ANK3: variants seen among roughly 807,000 people sequenced by gnomAD.
ANK3 encodes the protein ankyrin 3.
ANK3 carries 57 observed loss-of-function variants against 370.9 expected under a neutral mutation model. The observed-to-expected ratio is 0.15, with a 90% CI of 0.12 to 0.19. The LOEUF is 0.19. ANK3 is among the 10% of genes least tolerant of loss of function. The pLI, the probability that ANK3 is intolerant of heterozygous loss-of-function variation, is 1.00. For synonymous variants in ANK3, 1,929 were observed against 1,946.3 expected (o/e 0.99, Z 0.23); for missense variants, 4,439 against 5,302.1 (o/e 0.84, Z 5.06).
At chr10:60,134,151 G>A in intron 25 of ANK3, 120 bp downstream of exon 25, 1 of 811,966 alleles carries the variant, frequency 1.2e-6, no homozygotes, top group Non-Finnish European at 1.9e-6. Flanking sequence ...AGTACCAGAA[G>A]ATTTACAAAT....
chr10:60,196,380 C>T, intron 15 of ANK3, 137 bp from the exon 16 acceptor site: 1 of 926,450 alleles, frequency 1.1e-6, no homozygotes, highest in Non-Finnish European at 1.6e-6. Context: ...TGGACCCCAG[C>T]ATTTACCTTT....
intron 9 of ANK3, among the ~76,000 whole-genome samples, chr10:60,212,471 A>C (rs1364548417): frequency 1.3e-5 from 2 of 152,268 alleles, no homozygotes; most frequent in East Asian, 3.9e-4. Flanking sequence ...AAAAGAACAA[A>C]TAGAATCATC....
intron 12 of ANK3, among the ~76,000 whole-genome samples, chr10:60,201,571 A>T (rs2132420429): frequency 6.6e-6 from 1 of 152,330 alleles, no homozygotes; most frequent in African/African-American, 2.4e-5. Flanking sequence ...AGTGAGCCTC[A>T]TGGTTCCTAC....
intron 28 of ANK3, among the ~76,000 whole-genome samples, chr10:60,105,337 T>C (rs1472110038): frequency 6.6e-6 from 1 of 152,070 alleles, no homozygotes; most frequent in Non-Finnish European, 1.5e-5. Flanking sequence ...AGAAGTTGTG[T>C]ATGAAAAAGT....
At chr10:60,044,710 CTT>C (rs1410131595) in intron 42 of ANK3, 1 of 152,142 alleles carries the variant, frequency 6.6e-6, no homozygotes, top group East Asian at 1.9e-4. Flanking sequence ...AGCACTGTTT[CTT>C]CATTAGTTCT....
At chr10:60,686,997 A>G (rs116321148) in intron 1 of ANK3, among the ~76,000 whole-genome samples, 6,121 of 152,312 alleles carry the variant, frequency 0.04, 159 homozygotes, top group Middle Eastern at 0.071. Flanking sequence ...ACACAAATAC[A>G]TCCATTGTGT....
intron 2 of ANK3, among the ~76,000 whole-genome samples, chr10:60,497,559 T>C (rs964853502): frequency 7.2e-5 from 11 of 152,164 alleles, no homozygotes; most frequent in African/African-American, 2.7e-4. Context: ...ACATGATTGA[T>C]TTATTAAGCT....
intron 2 of ANK3, among the ~76,000 whole-genome samples, chr10:60,452,126 G>A (rs2064622506): frequency 6.6e-6 from 1 of 152,210 alleles, no homozygotes; most frequent in African/African-American, 2.4e-5. Flanking sequence ...ATGACCCTAG[G>A]GGTAAGAAAG....
At chr10:60,334,047 G>A (rs1241100493) in intron 1 of ANK3, among the ~76,000 whole-genome samples, 1 of 152,124 alleles carries the variant, frequency 6.6e-6, no homozygotes, top group Non-Finnish European at 1.5e-5. Flanking sequence ...TCGGCAGAGA[G>A]CAGAAATTAA....
exon 1 of ANK3, chr10:60,733,347 C>T: frequency 2.4e-6 from 3 of 1,232,650 alleles, no homozygotes; most frequent in Non-Finnish European, 3.0e-6. Flanking sequence ...GCTGCTCCTT[C>T]CAGGAACTCC....
chr10:60,417,224 T>A (rs2063687265), intron 2 of ANK3, among the ~76,000 whole-genome samples: 1 of 152,184 alleles, frequency 6.6e-6, no homozygotes, highest in Non-Finnish European at 1.5e-5. Flanking sequence ...GTCCTTGATA[T>A]TAGACATAAA....
chr10:60,290,251 T>A (rs915313277), intron 1 of ANK3, among the ~76,000 whole-genome samples: 4 of 152,204 alleles, frequency 2.6e-5, no homozygotes, highest in Non-Finnish European at 5.9e-5. Flanking sequence ...GAGATTGGTC[T>A]ATGTCAGCAA....
chr10:60,586,733 T>C (rs963495952), intron 2 of ANK3, among the ~76,000 whole-genome samples: 1 of 152,218 alleles, frequency 6.6e-6, no homozygotes, highest in Non-Finnish European at 1.5e-5. Context: ...TGCTTTGTGG[T>C]AGGACCACAT....
At chr10:60,680,316 T>C (rs2079178920) in intron 1 of ANK3, among the ~76,000 whole-genome samples, 1 of 152,148 alleles carries the variant, frequency 6.6e-6, no homozygotes, top group South Asian at 2.1e-4. Context: ...ACCACAGTAA[T>C]GGGTATGCCT....
At chr10:60,536,433 G>T (rs543231044) in intron 2 of ANK3, among the ~76,000 whole-genome samples, 1 of 151,982 alleles carries the variant, frequency 6.6e-6, no homozygotes, top group Non-Finnish European at 1.5e-5. Context: ...AAATTCATCC[G>T]CTTTCCTTCT....
intron 2 of ANK3, among the ~76,000 whole-genome samples, chr10:60,577,009 T>C (rs2077690664): frequency 6.6e-6 from 1 of 152,236 alleles, no homozygotes; most frequent in South Asian, 2.1e-4. Flanking sequence ...TTAATAGTTA[T>C]GTATTTACTT....
intron 7 of ANK3, among the ~76,000 whole-genome samples, chr10:60,249,149 T>C (rs556136372): frequency 6.8e-4 from 103 of 152,298 alleles, no homozygotes; most frequent in African/African-American, 2.4e-3. Flanking sequence ...GAAAGATCTA[T>C]GAGTAGAGAG....
At chr10:60,188,538 G>A (rs2096401841) in intron 16 of ANK3, among the ~76,000 whole-genome samples, 2 of 152,116 alleles carry the variant, frequency 1.3e-5, no homozygotes, top group Non-Finnish European at 2.9e-5. Flanking sequence ...TGAGCCATGT[G>A]GAAGGATCAC....
At chr10:60,064,770 T>C (rs755392084) in intron 38 of ANK3, among the ~76,000 whole-genome samples, 3 of 152,110 alleles carry the variant, frequency 2.0e-5, no homozygotes, top group Non-Finnish European at 4.4e-5. Flanking sequence ...GGAGGCTGAG[T>C]TGGATCACTT....
Sources: allele counts gnomAD v4.1 joint callset (sites outside exome capture counted in the v4.1 genomes callset), GRCh38; gene constraint gnomAD v4.1.1; transcripts MANE v1.5; gene names NCBI Gene and HGNC (gene_info 2026-07-23, HGNC 2026-07-21).